AUTS2: variants seen among roughly 807,000 people sequenced by gnomAD.
AUTS2 encodes activator of transcription and developmental regulator AUTS2, also known as autism susceptibility gene 2 protein.
AUTS2 carries 17 observed loss-of-function variants against 112.4 expected under a neutral mutation model. The ratio of observed to expected loss-of-function variants is 0.15; its 90% confidence interval spans 0.10 to 0.23. AUTS2 has a LOEUF of 0.23. Among genes scored for constraint, AUTS2 ranks in the 10% least tolerant of loss-of-function variants. The pLI is 1.00. For synonymous variants in AUTS2, 751 were observed against 702.7 expected (o/e 1.07, Z -1.09); for missense variants, 1,510 against 1,701.6 (o/e 0.89, Z 1.98).
chr7:70,107,457 C>T (rs1804829815), intron 2 of AUTS2, among the ~76,000 whole-genome samples: 1 of 150,016 alleles, frequency 6.7e-6, no homozygotes, highest in South Asian at 2.1e-4. Context: ...AATTCTCCTG[C>T]CTCAGCCTCC....
intron 4 of AUTS2, among the ~76,000 whole-genome samples, chr7:70,250,170 T>G (rs1027999747): frequency 6.6e-6 from 1 of 152,102 alleles, no homozygotes; most frequent in Middle Eastern, 3.2e-3. Context: ...CATTGTTTTA[T>G]TCAAGGATCT....
At chr7:69,694,974 C>G (rs1353718620) in intron 1 of AUTS2, among the ~76,000 whole-genome samples, 2 of 151,990 alleles carry the variant, frequency 1.3e-5, no homozygotes, top group Admixed American at 1.3e-4. Context: ...AATGGGTATT[C>G]CATGGGAGAG....
intron 1 of AUTS2, among the ~76,000 whole-genome samples, chr7:69,752,875 G>A (rs764552682): frequency 6.6e-6 from 1 of 152,136 alleles, no homozygotes; most frequent in East Asian, 1.9e-4. Context: ...TTGGATCTGC[G>A]GTGAGCTGAG....
At chr7:70,686,854 A>G (rs1328647046) in intron 5 of AUTS2, among the ~76,000 whole-genome samples, 1 of 152,092 alleles carries the variant, frequency 6.6e-6, no homozygotes, top group Non-Finnish European at 1.5e-5. Flanking sequence ...CTTTTCATTC[A>G]TTCATTTATT....
intron 4 of AUTS2, among the ~76,000 whole-genome samples, chr7:70,211,929 CGAGCT>C (rs1562790021): frequency 2.6e-5 from 4 of 151,018 alleles, no homozygotes; most frequent in South Asian, 4.2e-4. Flanking sequence ...GAGCTTGCAG[CGAGCT>C]GAGATCTCAC....
chr7:70,465,590 T>C (rs1797139934), intron 5 of AUTS2, among the ~76,000 whole-genome samples: 1 of 152,134 alleles, frequency 6.6e-6, no homozygotes, highest in African/African-American at 2.4e-5. Context: ...AATTGGGGAA[T>C]AGAGGGGCCC....
At chr7:70,458,040 CG>C (rs1299219029) in intron 5 of AUTS2, among the ~76,000 whole-genome samples, 1 of 152,120 alleles carries the variant, frequency 6.6e-6, no homozygotes, top group Non-Finnish European at 1.5e-5. Context: ...GCCCCACAAC[CG>C]CCAAATTCCC....
intron 2 of AUTS2, among the ~76,000 whole-genome samples, chr7:69,916,704 C>T (rs886952956): frequency 1.3e-5 from 2 of 152,160 alleles, no homozygotes; most frequent in African/African-American, 4.8e-5. Context: ...CCTCTTCCCC[C>T]CATTCTTACA....
intron 1 of AUTS2, among the ~76,000 whole-genome samples, chr7:69,667,196 T>G (rs1412334206): frequency 6.6e-6 from 1 of 152,030 alleles, no homozygotes; most frequent in Non-Finnish European, 1.5e-5. Context: ...AATAACCCAT[T>G]AATCCACCAG....
chr7:70,149,144 A>G (rs760219216), intron 4 of AUTS2, among the ~76,000 whole-genome samples: 2 of 152,038 alleles, frequency 1.3e-5, no homozygotes, highest in African/African-American at 4.8e-5. Flanking sequence ...TATGCTCATT[A>G]TTGCTAGTTT....
rs999356536 is a variant in AUTS2 at position 70,784,278 on chromosome 7, C to G, written c.2147-664C>G. 1.3e-5 allele frequency: 2 copies of G among 152,050 alleles called. 1 individual carries two copies. The highest frequency in any genetic ancestry group is 2.9e-5 in the Non-Finnish European group (2 of 68,070). 9.4% of individuals were successfully genotyped at this position (152,050 alleles called of 1,614,324 possible). A position where few individuals can be genotyped will look rare whatever the true frequency, so the allele number is the denominator to read the frequency against. On this transcript the variant is annotated intron_variant, in intron 15 of 18. Coordinates refer to ENST00000342771, the MANE Select transcript of AUTS2 (RefSeq NM_015570.4). ...TAGTATCCTTCGATGTGGGTGCATG[C>G]GAACTAACATACTCTTCAGGAGAAG...
At chr7:69,757,853 A>G (rs1694666659) in intron 1 of AUTS2, among the ~76,000 whole-genome samples, 1 of 152,254 alleles carries the variant, frequency 6.6e-6, no homozygotes, top group African/African-American at 2.4e-5. Flanking sequence ...TGTGCAATAC[A>G]AAAAAAGATA....
At chr7:69,690,824 G>T (rs1175314880) in intron 1 of AUTS2, among the ~76,000 whole-genome samples, 2 of 152,344 alleles carry the variant, frequency 1.3e-5, no homozygotes, top group East Asian at 1.9e-4. Context: ...AATTCAGCGG[G>T]TGCTGAGTTT....
intron 4 of AUTS2, among the ~76,000 whole-genome samples, chr7:70,191,148 C>G (rs1430978305): frequency 6.8e-6 from 1 of 146,348 alleles, no homozygotes; most frequent in Non-Finnish European, 1.5e-5. Context: ...TTTCAAATGT[C>G]ATCCACTTAT....
intron 2 of AUTS2, among the ~76,000 whole-genome samples, chr7:69,933,581 A>G (rs1796302395): frequency 6.6e-6 from 1 of 152,218 alleles, no homozygotes; most frequent in Non-Finnish European, 1.5e-5. Context: ...AATAAGTACT[A>G]TAAATTTTTT....
chr7:70,468,366 C>T (rs1797249038), intron 5 of AUTS2, among the ~76,000 whole-genome samples: 1 of 152,172 alleles, frequency 6.6e-6, no homozygotes, highest in African/African-American at 2.4e-5. Context: ...CCTGCTCTAC[C>T]TTCCTGTCCA....
At chr7:70,249,433 G>A (rs559251428) in intron 4 of AUTS2, among the ~76,000 whole-genome samples, 40 of 152,206 alleles carry the variant, frequency 2.6e-4, no homozygotes, top group African/African-American at 4.8e-4. Context: ...AGTTTAGTGC[G>A]CATTAGAATA....
At chr7:70,447,007 AG>A (rs1796345432) in intron 5 of AUTS2, among the ~76,000 whole-genome samples, 1 of 152,140 alleles carries the variant, frequency 6.6e-6, no homozygotes, top group Non-Finnish European at 1.5e-5. Flanking sequence ...TTCAGCCCCC[AG>A]GGTGGATTAG....
chr7:70,350,312 A>G (rs1378898719), intron 4 of AUTS2, among the ~76,000 whole-genome samples: 1 of 152,206 alleles, frequency 6.6e-6, no homozygotes, highest in Non-Finnish European at 1.5e-5. Flanking sequence ...GATATTTCAT[A>G]TATATACCAA....
Sources: allele counts gnomAD v4.1 joint callset (sites outside exome capture counted in the v4.1 genomes callset), GRCh38; gene constraint gnomAD v4.1.1; transcripts MANE v1.5; gene names NCBI Gene and HGNC (gene_info 2026-07-23, HGNC 2026-07-21).